The following PES1 variants were observed in gnomAD, a reference collection of about 807,000 sequenced individuals.
The protein encoded by PES1 is pescadillo ribosomal biogenesis factor 1, also known as pescadillo homolog.
PES1 carries 31 observed loss-of-function variants against 77.1 expected under a neutral mutation model. The observed-to-expected ratio is 0.40, with a 90% CI of 0.30 to 0.54. The LOEUF (loss-of-function observed/expected upper bound fraction) is 0.54. Among genes scored for constraint, PES1 ranks in the 20% least tolerant of loss-of-function variants. PES1 has a pLI of 0.45. For synonymous variants in PES1, 282 were observed against 303.0 expected (o/e 0.93, Z 0.72); for missense variants, 658 against 771.7 (o/e 0.85, Z 1.75).
rs2086908980 is a variant in PES1 at position 30,576,982 on chromosome 22, G to A, written c.*64C>T. On this transcript the variant is annotated 3_prime_UTR_variant, in exon 15 of 15. Coordinates refer to ENST00000354694, the MANE Select transcript of PES1 (RefSeq NM_014303.4). The stretch of plus-strand genomic sequence containing the variant: ...CTGGTCCATCACACTTAGGTCCTCT[G>A]GCCTGCCTCTGCCACATCCAGCTGC... The A allele has an allele frequency of 1.5e-6, 2 of 1,361,342 alleles. No individual in the cohort carries two copies. Among genetic ancestry groups the A allele is most frequent in the Non-Finnish European group, 2.1e-6 (2 of 951,134 alleles). 84.3% of individuals were successfully genotyped at this position (1,361,342 alleles called of 1,614,324 possible).
chr22:30,597,863 TC>T (rs201121835), intron 2 of PES1, among the ~76,000 whole-genome samples: 21,419 of 147,286 alleles, frequency 0.15, 1,793 homozygotes, highest in Middle Eastern at 0.17. Context: ...CGGTTTTTTT[TC>T]CACGCAGTTG....
chr22:30,604,937 C>G (rs2087414653), intron 2 of PES1, among the ~76,000 whole-genome samples: 1 of 152,050 alleles, frequency 6.6e-6, no homozygotes, highest in Non-Finnish European at 1.5e-5. Flanking sequence ...TTTCACATTC[C>G]CTGACCACAT....
At position 30,576,927 on chromosome 22, in the gene PES1, TG is replaced by T; in HGVS notation, c.*118del. On this transcript the variant is annotated 3_prime_UTR_variant, in exon 15 of 15. Coordinates refer to ENST00000354694, the MANE Select transcript of PES1 (RefSeq NM_014303.4). ...GCCAGAGAGCATGAGGGGTCAGGGC[TG>T]GCTGGAGAAAGGAGGAGGAGAAGTG... The T allele has an allele frequency of 1.2e-6, 1 of 859,278 alleles. No individual in the cohort carries two copies. Among genetic ancestry groups the T allele is most frequent in the Admixed American group, 1.8e-5 (1 of 54,678 alleles). 53.2% of individuals were successfully genotyped at this position (859,278 alleles called of 1,614,324 possible).
Position 30,588,121 on chromosome 22 carries a change from T to G in PES1, c.158A>C (p.Lys53Thr), listed in dbSNP as rs2087120442. The G allele has an allele frequency of 6.2e-7, 1 of 1,614,080 alleles. No homozygotes were observed. Residue 53 changes from lysine to threonine, a missense_variant, in exon 3 of 15, where the codon AAG (lysine) becomes ACG (threonine). Physicochemically the swap from Lys to Thr is moderately conservative, Grantham distance 78. Coordinates refer to ENST00000354694, the MANE Select transcript of PES1 (RefSeq NM_014303.4). ...GGCTGCTGTAGAACCCTTGTTAACC[T>G]TCTTCTTGTGTTTGGGTTCATGGGG... ...IYPHEPKHKK[K>T]VNKGSTAART... is the part of the protein sequence containing the mutation.
chr22:30,605,090 C>T (rs566472273), intron 2 of PES1, among the ~76,000 whole-genome samples: 1 of 152,078 alleles, frequency 6.6e-6, no homozygotes, highest in Non-Finnish European at 1.5e-5. Context: ...GCCTCCTGGG[C>T]TCAAGTGATC....
intron 1 of PES1, among the ~76,000 whole-genome samples, chr22:30,605,828 G>A (rs1019986106): frequency 1.3e-5 from 2 of 152,226 alleles, no homozygotes; most frequent in South Asian, 4.1e-4. Context: ...GGCTTGGTTT[G>A]TGATAAATCA....
chr22:30,601,773 AC>A (rs1382676396), intron 2 of PES1: 1 of 147,992 alleles, frequency 6.8e-6, no homozygotes, highest in Non-Finnish European at 1.5e-5. Context: ...AAAGTTATGA[AC>A]TTTTTTTTTT....
intron 2 of PES1, among the ~76,000 whole-genome samples, chr22:30,599,943 T>A (rs1569032398): frequency 6.6e-6 from 1 of 152,150 alleles, no homozygotes. Flanking sequence ...ATATATATGA[T>A]AAATGCTTAT....
At chr22:30,583,445 G>A (rs9619123) in intron 6 of PES1, among the ~76,000 whole-genome samples, 36,100 of 152,176 alleles carry the variant, frequency 0.24, 4,464 homozygotes, top group Middle Eastern at 0.29. Flanking sequence ...GACCGGCAGC[G>A]GCTGCTCTCC....
upstream of PES1, among the ~76,000 whole-genome samples, chr22:30,596,157 A>G (rs1445152577): frequency 1.3e-5 from 2 of 152,194 alleles, no homozygotes; most frequent in African/African-American, 4.8e-5. Flanking sequence ...AGAGTCTTCT[A>G]CATTCTCTAT....
At chr22:30,590,213 G>A (rs2087156387) in intron 1 of PES1, among the ~76,000 whole-genome samples, 3 of 152,192 alleles carry the variant, frequency 2.0e-5, no homozygotes, top group African/African-American at 7.2e-5. Flanking sequence ...GTGGTGCTAA[G>A]ATGCTGCCTC....
chr22:30,590,942 A>G (rs954219662), intron 1 of PES1, among the ~76,000 whole-genome samples: 20 of 152,222 alleles, frequency 1.3e-4, no homozygotes, highest in African/African-American at 4.8e-4. Context: ...TGGATACTCA[A>G]TGTAGTGTGT....
chr22:30,585,133 G>T, intron 4 of PES1: 1 of 399,058 alleles, frequency 2.5e-6, no homozygotes. Flanking sequence ...TGGTGGAGCA[G>T]GGAGCGGGGT....
chr22:30,591,723 A>T, intron 1 of PES1, 87 bp downstream of exon 1: 1 of 1,453,588 alleles, frequency 6.9e-7, no homozygotes, highest in Non-Finnish European at 9.3e-7. Context: ...AGTCTCCACG[A>T]GACGGAGCCC....
intron 2 of PES1, among the ~76,000 whole-genome samples, chr22:30,604,663 G>A (rs1166839189): frequency 2.0e-5 from 3 of 151,898 alleles, no homozygotes; most frequent in Non-Finnish European, 2.9e-5. Context: ...AATAAGAAAT[G>A]TTTCCTGTTG....
At chr22:30,578,252 A>G (rs942767429) in intron 14 of PES1, among the ~76,000 whole-genome samples, 1 of 152,194 alleles carries the variant, frequency 6.6e-6, no homozygotes, top group African/African-American at 2.4e-5. Context: ...ACTGCACTCT[A>G]GCCTGGGTGA....
chr22:30,579,579 ACACCTGAC>A, intron 12 of PES1, 164 bp downstream of exon 12: 1 of 704,936 alleles, frequency 1.4e-6, no homozygotes, highest in Admixed American at 2.9e-5. Flanking sequence ...ACGTCAAATA[ACACCTGAC>A]CCCAGGAGGT....
At chr22:30,582,132 C>G (rs913517334) in intron 6 of PES1, among the ~76,000 whole-genome samples, 6 of 152,256 alleles carry the variant, frequency 3.9e-5, no homozygotes, top group Admixed American at 3.3e-4. Flanking sequence ...GAGGGTGGTG[C>G]TCCCAGCGCT....
intron 9 of PES1, 135 bp downstream of exon 9, chr22:30,580,877 A>G (rs911900777): frequency 1.7e-6 from 2 of 1,156,712 alleles, no homozygotes; most frequent in Admixed American, 2.1e-5. Flanking sequence ...TCTGATGACA[A>G]TTCAGCCCAT....
Sources: gnomAD v4.1 joint callset for allele counts (sites outside exome capture counted in the v4.1 genomes callset) on GRCh38, gnomAD v4.1.1 for gene constraint, MANE v1.5 for transcripts, NCBI Gene and HGNC (gene_info 2026-07-23, HGNC 2026-07-21) for gene names.